SMC5: variants seen among roughly 807,000 people sequenced by gnomAD.
SMC5 encodes structural maintenance of chromosomes 5.
SMC5 carries 88 observed loss-of-function variants against 148.3 expected under a neutral mutation model. The observed-to-expected ratio is 0.59, with a 90% CI of 0.50 to 0.71. The LOEUF (loss-of-function observed/expected upper bound fraction) is 0.71, where lower values mean the gene tolerates loss of function less well. Ranked by LOEUF, SMC5 falls within the 30% of genes least tolerant of loss-of-function variation. SMC5 has a pLI of 0.00. For missense variants in SMC5, 1,142 were observed against 1,298.9 expected, an observed-to-expected ratio of 0.88 and a Z score of 1.86; for synonymous variants, 421 against 432.8, an observed-to-expected ratio of 0.97 and a Z score of 0.34.
intron 15 of SMC5, among the ~76,000 whole-genome samples, chr9:70,321,380 ATAT>A (rs748892186): frequency 2.0e-5 from 3 of 150,320 alleles, no homozygotes; most frequent in Non-Finnish European, 4.4e-5. Context: ...TGTAAATATA[ATAT>A]TGTCAAATGT....
chr9:70,300,333 A>G lies in SMC5; in HGVS notation c.1464+133A>G, dbSNP rs2035325771. On this transcript the variant is annotated intron_variant, in intron 10 of 24. Coordinates refer to ENST00000361138, the MANE Select transcript of SMC5 (RefSeq NM_015110.4). ...CTTGTGGCATCTGGCATACTGCTGAATCTATACATGAGCTTTTTAAAGGTC... is the reference window on the plus strand; with the variant it reads ...CTTGTGGCATCTGGCATACTGCTGAGTCTATACATGAGCTTTTTAAAGGTC... 6.9e-6 allele frequency: 5 copies of G among 720,128 alleles called. No individual in the cohort carries two copies. In the South Asian group the frequency reaches 1.1e-4, roughly 16 times the overall value. The allele number at this position is 720,128 out of a possible 1,614,324, so 44.6% of individuals were successfully genotyped here. A position where few individuals can be genotyped will look rare whatever the true frequency, so the allele number is the denominator to read the frequency against.
At position 70,324,022 on chromosome 9, in the gene SMC5, T is replaced by C; in HGVS notation, c.2276T>C (p.Ile759Thr). 3 of 1,554,538 alleles carry C rather than the reference T, an allele frequency of 1.9e-6. No homozygotes were observed. The highest frequency in any genetic ancestry group is 2.6e-6 in the Non-Finnish European group (3 of 1,158,672). Residue 759 changes from isoleucine (I) to threonine (T), a missense_variant and splice_region_variant, in exon 17 of 25, where the codon ATT becomes ACT. Around this residue, in one of 5 missense-constraint regions of SMC5, gnomAD observed 743 missense variants for 835.7 expected, o/e 0.89. Coordinates refer to ENST00000361138, the MANE Select transcript of SMC5 (RefSeq NM_015110.4). ...LVTELTNLIK[I>T]CTSLHIQKVD... ...ACTCTTAGGGGTTTTTGTTCCTAGA[T>C]TTGTACTTCTTTGCATATACAAAAA...
Position 70,264,463 on chromosome 9 carries a change from C to T in SMC5, c.327+18C>T. ...CAGATAAGGTGAGTTAATATAATTA[C>T]TTTTTAAGAAATTTCAAACCTATTA... On this transcript the variant is annotated intron_variant, in intron 2 of 24. Transcript: ENST00000361138. 6.2e-7 allele frequency: 1 copy of T among 1,610,128 alleles called. No homozygotes were observed. The highest frequency in any genetic ancestry group is 8.5e-7 in the Non-Finnish European group (1 of 1,178,486).
rs1051471288 is a variant in SMC5, at chr9:70,259,233, C to T, written c.155C>T (p.Ser52Phe). Residue 52 changes from serine to phenylalanine, a missense_variant, in exon 1 of 25, where the codon TCT (serine) becomes TTT (phenylalanine). Transcript: ENST00000361138. The part of the protein sequence containing the change: ...LQSSGPFVEG[S>F]IVRISMENFL... ...TCGTCCGGGCCTTTCGTGGAAGGCT[C>T]TATCGTCCGCATCTCGATGGAGAAC... The T allele has an allele frequency of 1.3e-6, 2 of 1,598,994 alleles. No homozygotes were observed. Among genetic ancestry groups the T allele is most frequent in the Admixed American group, 1.7e-5 (1 of 57,906 alleles).
Position 70,305,243 on chromosome 9 carries a change from T to G in SMC5, c.1465-4T>G. On this transcript the variant is annotated splice_region_variant and splice_polypyrimidine_tract_variant and intron_variant, in intron 10 of 24. Transcript: ENST00000361138. The stretch of plus-strand genomic sequence containing the variant: ...ATTCGACCTTTTTTTGCTTGTTTGT[T>G]TAGATCAATATGAAAGATAATAAAA... 1 of 1,391,550 alleles carries G rather than the reference T, an allele frequency of 7.2e-7. No homozygotes were observed. Among genetic ancestry groups the G allele is most frequent in the Non-Finnish European group, 1.0e-6 (1 of 989,584 alleles). 86.2% of individuals were successfully genotyped at this position (1,391,550 alleles called of 1,614,324 possible).
chr9:70,293,437 T>C (rs762993987), intron 8 of SMC5, among the ~76,000 whole-genome samples: 4 of 152,038 alleles, frequency 2.6e-5, no homozygotes, highest in Non-Finnish European at 5.9e-5. Context: ...TTTTTCTCTC[T>C]GTTTTCCGTT....
chr9:70,335,632 G>A (rs1282162384), intron 17 of SMC5, among the ~76,000 whole-genome samples: 1 of 152,228 alleles, frequency 6.6e-6, no homozygotes, highest in Non-Finnish European at 1.5e-5. Flanking sequence ...GTGAAGCTGA[G>A]TGGAAGAAAC....
At chr9:70,317,509 T>C (rs1554696861) in intron 13 of SMC5, among the ~76,000 whole-genome samples, 1 of 152,108 alleles carries the variant, frequency 6.6e-6, no homozygotes, top group Non-Finnish European at 1.5e-5. Context: ...ATTAGTCGGA[T>C]TGTAGGATTT....
At chr9:70,324,236 G>A (rs2036020634) in intron 17 of SMC5, 93 bp downstream of exon 17, 1 of 1,274,452 alleles carries the variant, frequency 7.8e-7, no homozygotes, top group Non-Finnish European at 1.1e-6. Flanking sequence ...TATATAGTTT[G>A]TTGTTTTATG....
intron 18 of SMC5, among the ~76,000 whole-genome samples, chr9:70,345,177 A>G (rs926620180): frequency 1.4e-5 from 2 of 141,044 alleles, no homozygotes; most frequent in Non-Finnish European, 3.2e-5. Context: ...ACAATCTACT[A>G]ATTTTTTTTT....
intron 17 of SMC5, among the ~76,000 whole-genome samples, chr9:70,334,542 G>A (rs1220647935): frequency 1.3e-5 from 2 of 152,134 alleles, no homozygotes; most frequent in Non-Finnish European, 2.9e-5. Context: ...ATGCCTGTGG[G>A]CCAAATCTAG....
intron 8 of SMC5, 123 bp from the exon 9 acceptor site, chr9:70,297,843 C>T (rs2035241084): frequency 1.8e-6 from 2 of 1,086,216 alleles, no homozygotes; most frequent in South Asian, 1.6e-5. Flanking sequence ...TCTCACAGGA[C>T]ACCTTTTAGT....
intron 17 of SMC5, among the ~76,000 whole-genome samples, chr9:70,334,613 G>A (rs1403895503): frequency 6.6e-6 from 1 of 151,640 alleles, no homozygotes; most frequent in Non-Finnish European, 1.5e-5. Flanking sequence ...ACTTTTTAAA[G>A]AGAGAGAGAG....
intron 11 of SMC5, among the ~76,000 whole-genome samples, 188 bp from the exon 12 acceptor site, chr9:70,314,554 C>T (rs926834205): frequency 6.6e-6 from 1 of 151,508 alleles, no homozygotes; most frequent in East Asian, 1.9e-4. Flanking sequence ...AAGAAGTGGA[C>T]TCTTTTTATA....
intron 11 of SMC5, among the ~76,000 whole-genome samples, chr9:70,306,184 A>G (rs1174078695): frequency 1.3e-5 from 2 of 152,032 alleles, no homozygotes; most frequent in African/African-American, 2.4e-5. Flanking sequence ...CTCCTTTTGC[A>G]TGTCTTCTAT....
In SMC5 at chr9:70,278,461, A is replaced by G. The variant is rs771382663; in HGVS notation, c.544-30A>G. On this transcript the variant is annotated intron_variant, in intron 4 of 24. Transcript: ENST00000361138. ...TTGAAGATATATGTAAATGAATGATAGTTGCTGATATTTAATTTTTGTGCT... is the reference window on the plus strand; with the variant it reads ...TTGAAGATATATGTAAATGAATGATGGTTGCTGATATTTAATTTTTGTGCT... 66 of 1,595,092 alleles carry G rather than the reference A, an allele frequency of 4.1e-5. No individual in the cohort carries two copies. In the Admixed American group the frequency reaches 1.1e-3, roughly 27 times the overall value.
chr9:70,264,457 T>C lies in SMC5; in HGVS notation c.327+12T>C. 2 of 1,610,846 alleles carry C rather than the reference T, an allele frequency of 1.2e-6. No individual in the cohort carries two copies. Among genetic ancestry groups the C allele is most frequent in the South Asian group, 2.2e-5 (2 of 90,280 alleles). On this transcript the variant is annotated intron_variant, in intron 2 of 24. Coordinates refer to ENST00000361138, the MANE Select transcript of SMC5 (RefSeq NM_015110.4). Reference sequence around the variant, plus strand: ...GACGAGCAGATAAGGTGAGTTAATATAATTACTTTTTAAGAAATTTCAAAC... The same window carrying C: ...GACGAGCAGATAAGGTGAGTTAATACAATTACTTTTTAAGAAATTTCAAAC...
chr9:70,309,239 T>C (rs1437827963), intron 11 of SMC5, among the ~76,000 whole-genome samples: 1 of 149,528 alleles, frequency 6.7e-6, no homozygotes, highest in Non-Finnish European at 1.5e-5. Flanking sequence ...ACCACATTGA[T>C]CAACTCTTCC....
intron 18 of SMC5, chr9:70,344,475 T>C: frequency 4.5e-6 from 1 of 221,980 alleles, no homozygotes; most frequent in Non-Finnish European, 8.8e-6. Context: ...ACATTTATTC[T>C]TCCAATACAA....
Sources: gnomAD v4.1 joint callset for allele counts (sites outside exome capture counted in the v4.1 genomes callset) on GRCh38, gnomAD v4.1.1 for gene constraint, gnomAD v4.1.1 regional missense constraint, MANE v1.5 for transcripts, NCBI Gene and HGNC (gene_info 2026-07-23, HGNC 2026-07-21) for gene names.